The following USP34 variants were observed in gnomAD, a reference collection of about 807,000 sequenced individuals.
USP34 encodes ubiquitin specific peptidase 34.
A neutral mutation model predicts 460.3 loss-of-function variants in USP34; 70 were observed. That is an observed-to-expected ratio of 0.15 (90% CI 0.13 to 0.19). The LOEUF is 0.19. USP34 is among the 10% of genes least tolerant of loss of function. The probability of loss-of-function intolerance (pLI) is 1.00; values close to 1 mark genes in which losing one functional copy is unlikely to be tolerated. For missense variants in USP34, 3,985 were observed against 4,236.2 expected (o/e 0.94, Z 1.65); for synonymous variants, 1,647 against 1,405.3 (o/e 1.17, Z -3.85).
intron 66 of USP34, 75 bp from the exon 67 acceptor site, chr2:61,220,532 G>A (rs1328479185): frequency 1.5e-6 from 2 of 1,305,268 alleles, no homozygotes; most frequent in African/African-American, 1.5e-5. Context: ...TTTTGTATAT[G>A]CTATTAGACA....
At chr2:61,321,956 C>T (rs907721245) in intron 21 of USP34, among the ~76,000 whole-genome samples, 3 of 152,090 alleles carry the variant, frequency 2.0e-5, no homozygotes, top group Non-Finnish European at 2.9e-5. Context: ...AGGCCGGGCA[C>T]GGTGGCTCAC....
At chr2:61,284,731 G>A (rs538970037) in intron 35 of USP34, 144 bp downstream of exon 35, 20 of 584,952 alleles carry the variant, frequency 3.4e-5, no homozygotes, top group African/African-American at 2.4e-4. Context: ...TTAATAATAC[G>A]TAAATTTGGA....
At chr2:61,413,157 A>T (rs2103953926) in intron 2 of USP34, among the ~76,000 whole-genome samples, 1 of 152,208 alleles carries the variant, frequency 6.6e-6, no homozygotes, top group East Asian at 1.9e-4. Context: ...GCACTTTGGA[A>T]GGCTGAGGCG....
At chr2:61,375,140 T>C (rs1025244306) in intron 8 of USP34, among the ~76,000 whole-genome samples, 1 of 152,062 alleles carries the variant, frequency 6.6e-6, no homozygotes, top group African/African-American at 2.4e-5. Context: ...AATAACCACA[T>C]AAAAAGCTGC....
At chr2:61,393,845 C>A (rs1022192469) in intron 5 of USP34, among the ~76,000 whole-genome samples, 1 of 152,080 alleles carries the variant, frequency 6.6e-6, no homozygotes, top group African/African-American at 2.4e-5. Context: ...TTAAAAGTAT[C>A]TTTCTTTCCG....
chr2:61,279,435 C>T (rs2103953070), intron 39 of USP34, among the ~76,000 whole-genome samples: 1 of 152,180 alleles, frequency 6.6e-6, no homozygotes, highest in Non-Finnish European at 1.5e-5. Context: ...CTGGAAAAAA[C>T]GCAAGTCTTT....
rs1372620613 is a variant in USP34, at chr2:61,190,624, C to T, written c.9623G>A (p.Cys3208Tyr). ...AMSKNCIKLL[C>Y]EDPVFAEYIK... Reference sequence around the variant, plus strand: ...ATATTCTGCGAAAACAGGATCTTCACACAAAAGCTTGATGCAGTTTTTTGA... The same window carrying T: ...ATATTCTGCGAAAACAGGATCTTCATACAAAAGCTTGATGCAGTTTTTTGA... The change falls in exon 77 of 80, where the codon TGT becomes TAT. Residue 3208 changes from cysteine (C) to tyrosine (Y), a missense_variant. Coordinates refer to ENST00000398571, the MANE Select transcript of USP34 (RefSeq NM_014709.4). 3.1e-6 allele frequency: 5 copies of T among 1,613,934 alleles called. No individual in the cohort carries two copies. Among genetic ancestry groups the T allele is most frequent in the Admixed American group, 1.7e-5 (1 of 59,966 alleles).
chr2:61,324,260 T>C (rs1200915333), intron 21 of USP34, among the ~76,000 whole-genome samples: 1 of 152,228 alleles, frequency 6.6e-6, no homozygotes, highest in Non-Finnish European at 1.5e-5. Context: ...TGGATTTGGA[T>C]ATGGTACACA....
rs527471772 is a variant in USP34 at position 61,435,800 on chromosome 2, G to A, written c.44-14967C>T. Among the ~76,000 whole-genome samples, 104 of 152,024 alleles carry A rather than the reference G, an allele frequency of 6.8e-4. 2 individuals carry two copies. The South Asian group carries it at 0.019, about 28-fold the overall frequency. On this transcript the variant is annotated intron_variant, in intron 1 of 79. Coordinates refer to ENST00000398571, the MANE Select transcript of USP34 (RefSeq NM_014709.4). ...TCCCAGCACTTTGGGAGGCCACGAC[G>A]GGCAGATCACTTGAGGTCAGGAGTT...
At position 61,354,270 on chromosome 2, in the gene USP34, T is replaced by C. The variant is rs114429866; in HGVS notation, c.1252-3577A>G. Among the ~76,000 whole-genome samples, 915 of 152,226 alleles carry C rather than the reference T, an allele frequency of 6.0e-3. 2 individuals carry two copies. Among genetic ancestry groups the C allele is most frequent in the Non-Finnish European group, 9.8e-3 (664 of 68,014 alleles). ...CAAAAACCACAAGTAACTTGTCACA[T>C]ATAAGAGATCCTCGATAAGATTATC... On this transcript the variant is annotated intron_variant, in intron 10 of 79. Transcript: ENST00000398571.
chr2:61,330,365 T>C (rs1036805730), intron 20 of USP34, among the ~76,000 whole-genome samples: 2 of 152,152 alleles, frequency 1.3e-5, no homozygotes, highest in African/African-American at 4.8e-5. Flanking sequence ...ATGCCTCAAG[T>C]CTCAAGTTTT....
intron 44 of USP34, among the ~76,000 whole-genome samples, chr2:61,259,395 CTTTT>C (rs892907054): frequency 6.7e-6 from 1 of 148,788 alleles, no homozygotes; most frequent in African/African-American, 2.5e-5. Flanking sequence ...CTCCATGTTT[CTTTT>C]TTTTTTGAGA....
intron 3 of USP34, among the ~76,000 whole-genome samples, chr2:61,401,449 C>A (rs1344487478): frequency 6.6e-6 from 1 of 151,378 alleles, no homozygotes; most frequent in Non-Finnish European, 1.5e-5. Flanking sequence ...TGTTGCCCAG[C>A]CTAGACTTAA....
At chr2:61,301,815 G>T (rs1459332881) in intron 27 of USP34, among the ~76,000 whole-genome samples, 2 of 152,066 alleles carry the variant, frequency 1.3e-5, no homozygotes, top group African/African-American at 4.8e-5. Flanking sequence ...TCATCCAATG[G>T]GAGCTTTTTC....
chr2:61,417,203 G>A (rs1694222221), intron 2 of USP34: 2 of 1,549,952 alleles, frequency 1.3e-6, no homozygotes, highest in East Asian at 2.2e-5. Flanking sequence ...ACCCTACACT[G>A]GGGTAGTGCA....
intron 35 of USP34, among the ~76,000 whole-genome samples, chr2:61,284,124 G>A (rs1320197795): frequency 1.3e-5 from 2 of 152,104 alleles, no homozygotes; most frequent in African/African-American, 2.4e-5. Context: ...AATGACTTCA[G>A]ATTTAATAAA....
intron 1 of USP34, among the ~76,000 whole-genome samples, chr2:61,454,056 A>T (rs957010436): frequency 2.0e-5 from 3 of 152,162 alleles, no homozygotes; most frequent in African/African-American, 7.2e-5. Context: ...TATAAACCAA[A>T]ATTTTAACAA....
intron 78 of USP34, 36 bp downstream of exon 78, chr2:61,190,235 T>TA (rs757833893): frequency 1.9e-6 from 3 of 1,572,988 alleles, no homozygotes; most frequent in South Asian, 1.2e-5. Context: ...AAGGACAGTT[T>TA]AAAAGTGTGT....
intron 1 of USP34, among the ~76,000 whole-genome samples, chr2:61,460,514 G>A (rs1209144163): frequency 6.6e-6 from 1 of 152,168 alleles, no homozygotes; most frequent in African/African-American, 2.4e-5. Context: ...CTTATTTGAA[G>A]TGAAAAGGTG....
Sources: gnomAD v4.1 joint callset for allele counts (sites outside exome capture counted in the v4.1 genomes callset) on GRCh38, gnomAD v4.1.1 for gene constraint, MANE v1.5 for transcripts, NCBI Gene and HGNC (gene_info 2026-07-23, HGNC 2026-07-21) for gene names.